Variants in TLL2 observed in about 807,000 individuals in gnomAD.
TLL2 encodes the protein tolloid-like protein 2.
Under a neutral mutation model 123.0 loss-of-function variants are expected in TLL2, and 106 were observed. That is an observed-to-expected ratio of 0.86 (90% CI 0.74 to 1.01). The LOEUF is 1.01. TLL2 is among the 50% of genes least tolerant of loss of function. The pLI, the probability that TLL2 is intolerant of heterozygous loss-of-function variation, is 0.00. For missense variants in TLL2, 1,332 were observed against 1,336.7 expected, an observed-to-expected ratio of 1.00 and a Z score of 0.06; for synonymous variants, 494 against 516.8, an observed-to-expected ratio of 0.96 and a Z score of 0.60.
intron 10 of TLL2, among the ~76,000 whole-genome samples, chr10:96,399,824 G>C (rs994960568): frequency 2.6e-5 from 4 of 152,220 alleles, no homozygotes; most frequent in Admixed American, 1.3e-4. Flanking sequence ...TTCCAAAAGA[G>C]AGGGAGACTT....
chr10:96,388,415 A>G (rs1304870996), intron 13 of TLL2, among the ~76,000 whole-genome samples: 1 of 152,202 alleles, frequency 6.6e-6, no homozygotes, highest in East Asian at 1.9e-4. Flanking sequence ...ACAACAAAAA[A>G]AGTTGTTCAC....
chr10:96,438,277 T>C (rs138782553), intron 3 of TLL2, among the ~76,000 whole-genome samples: 4 of 152,220 alleles, frequency 2.6e-5, no homozygotes, highest in African/African-American at 7.2e-5. Flanking sequence ...AGGTCTGTCT[T>C]GATTTTTTTC....
At chr10:96,459,134 A>C (rs1018541641) in intron 2 of TLL2, among the ~76,000 whole-genome samples, 3 of 152,298 alleles carry the variant, frequency 2.0e-5, no homozygotes, top group African/African-American at 7.2e-5. Flanking sequence ...AAATGCTATG[A>C]ATGTGTCATT....
intron 19 of TLL2, among the ~76,000 whole-genome samples, chr10:96,371,078 T>C (rs1477748118): frequency 1.3e-5 from 2 of 152,096 alleles, no homozygotes; most frequent in Admixed American, 1.3e-4. Flanking sequence ...TCCCAACATT[T>C]TGGGAGGCCG....
chr10:96,419,778 C>A (rs1001079709), intron 7 of TLL2, among the ~76,000 whole-genome samples: 13 of 152,184 alleles, frequency 8.5e-5, no homozygotes, highest in African/African-American at 2.9e-4. Flanking sequence ...TACCCAAGAA[C>A]CAAGGAGCCC....
At chr10:96,476,236 A>ATTCTTT (rs1333954391) in intron 2 of TLL2, among the ~76,000 whole-genome samples, 1 of 20,448 alleles carries the variant, frequency 4.9e-5, no homozygotes, top group African/African-American at 1.9e-4. Context: ...ATATATATAT[A>ATTCTTT]TATATTTTAT....
At position 96,410,441 on chromosome 10, in the gene TLL2, TTTCCCG is replaced by T. The variant is rs766011372; in HGVS notation, c.1076_1081del (p.Thr359_Gly360del). ...ATTTGGGAAACCAGGTGCAGAAAAG[TTTCCCG>T]TTGTGTCCTGCAGGGTCTCCCCACA... On this transcript the variant is annotated inframe_deletion, in exon 9 of 21. Coordinates refer to ENST00000357947, the MANE Select transcript of TLL2 (RefSeq NM_012465.4). The T allele has an allele frequency of 6.8e-6, 11 of 1,613,960 alleles. No homozygotes were observed. The East Asian group carries it at 2.2e-4, about 33-fold the overall frequency.
Position 96,484,624 on chromosome 10 carries a change from CACACA to C in TLL2, c.176-4170_176-4166del, listed in dbSNP as rs1847340858. ...ACACACACACACACACACACACACA[CACACA>C]CCATGGCTTTCTTTTTTTTCTTCAA... On this transcript the variant is annotated intron_variant, in intron 1 of 20. Transcript: ENST00000357947. Among the ~76,000 whole-genome samples the C allele has an allele frequency of 3.4e-5, 5 of 149,230 alleles. No individual in the cohort carries two copies. The South Asian group carries it at 8.3e-4, about 25-fold the overall frequency.
intron 3 of TLL2, among the ~76,000 whole-genome samples, chr10:96,435,035 C>CTT (rs34593980): frequency 3.8e-5 from 5 of 130,436 alleles, no homozygotes; most frequent in Admixed American, 7.5e-5. Context: ...TTTTTTTTTT[C>CTT]TTTTTTTTTT....
chr10:96,446,233 A>C, intron 2 of TLL2, 65 bp from the exon 3 acceptor site: 1 of 1,518,480 alleles, frequency 6.6e-7, no homozygotes. Flanking sequence ...GCACCAAGGG[A>C]TGAGGGAGCA....
intron 1 of TLL2, among the ~76,000 whole-genome samples, chr10:96,492,112 C>A (rs1847419849): frequency 6.6e-6 from 1 of 152,010 alleles, no homozygotes; most frequent in Non-Finnish European, 1.5e-5. Flanking sequence ...AAGCAAGCAG[C>A]ACTCACTGTG....
chr10:96,462,360 T>C (rs774221223), intron 2 of TLL2, among the ~76,000 whole-genome samples: 1 of 152,184 alleles, frequency 6.6e-6, no homozygotes. Flanking sequence ...CCTGCAGAAA[T>C]AAGACACTGT....
At chr10:96,381,311 C>T (rs1393403482) in intron 16 of TLL2, among the ~76,000 whole-genome samples, 1 of 152,218 alleles carries the variant, frequency 6.6e-6, no homozygotes, top group Admixed American at 6.5e-5. Flanking sequence ...TGCAAACAGT[C>T]CCCCTTCCTG....
At chr10:96,504,913 C>A (rs1847564649) in intron 1 of TLL2, among the ~76,000 whole-genome samples, 1 of 152,232 alleles carries the variant, frequency 6.6e-6, no homozygotes. Flanking sequence ...GAGGCTGAGG[C>A]AGGAGAATGG....
intron 3 of TLL2, among the ~76,000 whole-genome samples, chr10:96,433,521 G>T (rs139212584): frequency 6.6e-6 from 1 of 152,134 alleles, no homozygotes; most frequent in Non-Finnish European, 1.5e-5. Context: ...AAGGAGGTTC[G>T]ATGGAAGGTT....
intron 18 of TLL2, 33 bp downstream of exon 18, chr10:96,376,659 C>T: frequency 6.2e-7 from 1 of 1,607,174 alleles, no homozygotes; most frequent in Non-Finnish European, 8.5e-7. Context: ...ATACTCAAGT[C>T]CACATTCTCA....
At chr10:96,446,902 T>A (rs7092299) in intron 2 of TLL2, among the ~76,000 whole-genome samples, 69,998 of 152,054 alleles carry the variant, frequency 0.46, 16,468 homozygotes, top group East Asian at 0.72. Context: ...GGCAGGTGAG[T>A]TCCTGCTCTC....
chr10:96,409,999 G>T (rs944444632), intron 9 of TLL2, among the ~76,000 whole-genome samples: 1 of 152,204 alleles, frequency 6.6e-6, no homozygotes, highest in Non-Finnish European at 1.5e-5. Flanking sequence ...AGGCTGGGGG[G>T]AAGAATAGCC....
chr10:96,503,970 C>T (rs1262091487), intron 1 of TLL2, among the ~76,000 whole-genome samples: 2 of 152,112 alleles, frequency 1.3e-5, no homozygotes, highest in Non-Finnish European at 2.9e-5. Flanking sequence ...GGTCACATGG[C>T]GTAGAGGGGA....
Sources: allele counts gnomAD v4.1 joint callset (sites outside exome capture counted in the v4.1 genomes callset), GRCh38; gene constraint gnomAD v4.1.1; transcripts MANE v1.5; gene names NCBI Gene and HGNC (gene_info 2026-07-23, HGNC 2026-07-21).